Variants in SLC22A3 observed in about 807,000 individuals in gnomAD.
SLC22A3 encodes EMT organic cation transporter 3.
SLC22A3 carries 51 observed loss-of-function variants against 59.1 expected under a neutral mutation model. That is an observed-to-expected ratio of 0.86 (90% CI 0.69 to 1.09). The LOEUF is 1.09. SLC22A3 is among the 50% of genes least tolerant of loss of function. SLC22A3 has a pLI of 0.00. For synonymous variants in SLC22A3, 325 were observed against 292.0 expected, an observed-to-expected ratio of 1.11 and a Z score of -1.15; for missense variants, 711 against 726.3, an observed-to-expected ratio of 0.98 and a Z score of 0.24.
chr6:160,348,426 T>A lies in SLC22A3; in HGVS notation c.7T>A (p.Ser3Thr), dbSNP rs150816248. Residue 3 changes from serine to threonine, a missense_variant, in exon 1 of 11, where the codon TCC becomes ACC. Transcript: ENST00000275300. ...GGCGGGCGGCGGGCGCACCATGCCCTCCTTCGACGAGGCGCTGCAGCGGGT... is the reference window on the plus strand; with the variant it reads ...GGCGGGCGGCGGGCGCACCATGCCCACCTTCGACGAGGCGCTGCAGCGGGT... MPSFDEALQRVGE... is the reference protein window; with the variant it reads MPTFDEALQRVGE... 2.0e-6 allele frequency: 3 copies of A among 1,498,888 alleles called. No homozygotes were observed. Among genetic ancestry groups the A allele is most frequent in the African/African-American group, 1.4e-5 (1 of 69,162 alleles). 92.8% of individuals were successfully genotyped at this position (1,498,888 alleles called of 1,614,324 possible). A position where few individuals can be genotyped will look rare whatever the true frequency, so the allele number is the denominator to read the frequency against.
In SLC22A3 at chr6:160,451,153, T is replaced by G; in HGVS notation, c.*97T>G. The stretch of plus-strand genomic sequence containing the variant: ...GATGCACGTGTGCATTTCAGCTACA[T>G]CATGCCGCGCTGTTGTAATACTGTA... On this transcript the variant is annotated 3_prime_UTR_variant, in exon 11 of 11. Transcript: ENST00000275300. 9.2e-7 allele frequency: 1 copy of G among 1,081,608 alleles called. No homozygotes were observed. The allele number at this position is 1,081,608 out of a possible 1,614,324, so 67.0% of individuals were successfully genotyped here.
chr6:160,403,584 T>G (rs1441973423), intron 2 of SLC22A3, among the ~76,000 whole-genome samples: 3 of 151,810 alleles, frequency 2.0e-5, no homozygotes, highest in Non-Finnish European at 4.4e-5. Flanking sequence ...TGGACAGACA[T>G]TACAACAAAA....
Position 160,452,531 on chromosome 6 carries a change from G to A in SLC22A3, c.*1475G>A, listed in dbSNP as rs948582011. 6.6e-6 allele frequency: 1 copy of A among 151,740 alleles called. No homozygotes were observed. The highest frequency in any genetic ancestry group is 2.1e-4 in the South Asian group (1 of 4,826). The allele number at this position is 151,740 out of a possible 1,614,324, so 9.4% of individuals were successfully genotyped here. A position where few individuals can be genotyped will look rare whatever the true frequency, so the allele number is the denominator to read the frequency against. On this transcript the variant is annotated 3_prime_UTR_variant, in exon 11 of 11. Transcript: ENST00000275300. The stretch of plus-strand genomic sequence containing the variant: ...GTTGCATTGTTGAATTGTATTTTGA[G>A]TGGATATTTTTGTTTGGTAACAATT...
At chr6:160,350,442 G>A (rs1351772005) in intron 1 of SLC22A3, among the ~76,000 whole-genome samples, 3 of 152,186 alleles carry the variant, frequency 2.0e-5, no homozygotes, top group Non-Finnish European at 4.4e-5. Context: ...TCTGGTTAGA[G>A]ATTTCACAGT....
intron 10 of SLC22A3, among the ~76,000 whole-genome samples, chr6:160,449,658 A>G (rs972804082): frequency 3.3e-5 from 5 of 152,238 alleles, no homozygotes; most frequent in Admixed American, 6.5e-5. Context: ...AAGTTCATAA[A>G]GAACTTAAAT....
intron 5 of SLC22A3, among the ~76,000 whole-genome samples, chr6:160,421,964 T>G (rs1787756883): frequency 6.6e-6 from 1 of 152,192 alleles, no homozygotes; most frequent in East Asian, 1.9e-4. Context: ...TGTGGATAAA[T>G]GAGAAAATAC....
chr6:160,413,900 GT>G (rs1303474711), intron 5 of SLC22A3, among the ~76,000 whole-genome samples: 1 of 152,114 alleles, frequency 6.6e-6, no homozygotes, highest in Non-Finnish European at 1.5e-5. Context: ...ATTATGAATT[GT>G]TGATCTCTTT....
Sources: allele counts gnomAD v4.1 joint callset (sites outside exome capture counted in the v4.1 genomes callset), GRCh38; gene constraint gnomAD v4.1.1; transcripts MANE v1.5; gene names NCBI Gene and HGNC (gene_info 2026-07-23, HGNC 2026-07-21).